Variants in ERI1 observed in about 807,000 individuals in gnomAD.
The protein encoded by ERI1 is 3'-5' exoribonuclease 1.
ERI1 carries 39 observed loss-of-function variants against 39.7 expected under a neutral mutation model. The observed-to-expected ratio is 0.98, with a 90% CI of 0.76 to 1.28. ERI1 has a LOEUF of 1.28. Ranked by LOEUF, ERI1 falls within the 50% of genes most tolerant of loss-of-function variation. The pLI, the probability that ERI1 is intolerant of heterozygous loss-of-function variation, is 0.00. For synonymous variants in ERI1, 204 were observed against 149.6 expected, an observed-to-expected ratio of 1.36 and a Z score of -2.65; for missense variants, 581 against 416.9, an observed-to-expected ratio of 1.39 and a Z score of -3.43.
chr8:9,048,251 G>C (rs929160217), intron 3 of ERI1, among the ~76,000 whole-genome samples: 2 of 151,132 alleles, frequency 1.3e-5, no homozygotes, highest in Admixed American at 1.3e-4. Context: ...TCATCGATCT[G>C]AGAGCAGCTT....
At chr8:9,035,452 C>T (rs562136035), downstream of ERI1, among the ~76,000 whole-genome samples, 1 of 152,318 alleles carries the variant, frequency 6.6e-6, no homozygotes, top group South Asian at 2.1e-4. Flanking sequence ...GCTAAATCTA[C>T]TCTGCCTGTG....
In ERI1 at chr8:9,017,033, A is replaced by G. The variant is rs140399627; in HGVS notation, c.582+628A>G. The stretch of plus-strand genomic sequence containing the variant: ...TTTACAACCTGACTTTATATTTTGC[A>G]TTTATTTTTTATTTTTATTTTTTTG... On this transcript the variant is annotated intron_variant, in intron 4 of 6. Transcript: ENST00000250263. 2.1e-3 allele frequency among the ~76,000 whole-genome samples: 312 copies of G among 151,554 alleles called. 1 individual carries two copies. The highest frequency in any genetic ancestry group is 7.1e-3 in the African/African-American group (292 of 41,300).
At chr8:9,047,275 G>A (rs1019251817) in intron 3 of ERI1, among the ~76,000 whole-genome samples, 7 of 152,188 alleles carry the variant, frequency 4.6e-5, no homozygotes, top group African/African-American at 1.7e-4. Flanking sequence ...TTTCGGGTGA[G>A]TTGGTGAGCT....
At chr8:9,016,883 C>G (rs141249897) in intron 4 of ERI1, among the ~76,000 whole-genome samples, 6 of 151,920 alleles carry the variant, frequency 3.9e-5, no homozygotes, top group African/African-American at 1.5e-4. Context: ...GACCTGGTTT[C>G]GCCATATTGG....
chr8:9,047,019 A>G (rs1227548189), intron 3 of ERI1, among the ~76,000 whole-genome samples: 1 of 152,182 alleles, frequency 6.6e-6, no homozygotes, highest in Non-Finnish European at 1.5e-5. Context: ...CATATGGCAG[A>G]AACAATCAAT....
chr8:9,024,528 C>T (rs190984187), intron 6 of ERI1, among the ~76,000 whole-genome samples: 1 of 152,224 alleles, frequency 6.6e-6, no homozygotes, highest in Non-Finnish European at 1.5e-5. Context: ...TCAATCAATT[C>T]TCCTGCCTCA....
rs1035951339 is a variant in ERI1, at chr8:9,030,190, A to G, written c.*156A>G. 8 of 991,684 alleles carry G rather than the reference A, an allele frequency of 8.1e-6. No individual in the cohort carries two copies. Among genetic ancestry groups the G allele is most frequent in the East Asian group, 2.6e-5 (1 of 37,872 alleles). 61.4% of individuals were successfully genotyped at this position (991,684 alleles called of 1,614,324 possible). A position where few individuals can be genotyped will look rare whatever the true frequency, so the allele number is the denominator to read the frequency against. ...GAGATAGATACATGTATGTGAACAG[A>G]TTTTGTAGGAAGGCATACTGAATTC... On this transcript the variant is annotated 3_prime_UTR_variant, in exon 7 of 7. Coordinates refer to ENST00000250263, the MANE Select transcript of ERI1 (RefSeq NM_153332.4).
chr8:9,059,376 G>C (rs13281029), intron 3 of ERI1, among the ~76,000 whole-genome samples: 21,420 of 151,852 alleles, frequency 0.14, 1,645 homozygotes, highest in African/African-American at 0.18. Context: ...TTGGGGTGGC[G>C]AAAATTTTTG....
intron 3 of ERI1, among the ~76,000 whole-genome samples, chr8:9,048,826 A>G (rs1210035995): frequency 6.6e-6 from 1 of 151,830 alleles, no homozygotes; most frequent in Non-Finnish European, 1.5e-5. Flanking sequence ...TTTTATTTTT[A>G]GTGGAGATGG....
chr8:9,036,300 A>C (rs541281653), downstream of ERI1, among the ~76,000 whole-genome samples: 1 of 152,218 alleles, frequency 6.6e-6, no homozygotes, highest in African/African-American at 2.4e-5. Flanking sequence ...CAGTTGATGG[A>C]GCAAACTTCA....
downstream of ERI1, among the ~76,000 whole-genome samples, chr8:9,035,144 G>A (rs1402464004): frequency 6.6e-6 from 1 of 152,134 alleles, no homozygotes; most frequent in Admixed American, 6.6e-5. Flanking sequence ...GCAAGGTAAA[G>A]CAGCAAGTGC....
intron 3 of ERI1, among the ~76,000 whole-genome samples, chr8:9,057,131 C>CTGTTTTTT (rs562170024): frequency 6.6e-6 from 1 of 151,874 alleles, no homozygotes; most frequent in African/African-American, 2.4e-5. Context: ...CCACACCGGC[C>CTGTTTTTT]TGTTTTTTTG....
chr8:9,007,685 C>T (rs1018262951), intron 1 of ERI1, among the ~76,000 whole-genome samples: 1 of 152,092 alleles, frequency 6.6e-6, no homozygotes, highest in Admixed American at 6.6e-5. Context: ...AGCTGGGGTT[C>T]TCTATTGAGG....
Position 9,018,279 on chromosome 8 carries a change from T to C in ERI1, c.583-18T>C, listed in dbSNP as rs748923840. 3 of 1,507,346 alleles carry C rather than the reference T, an allele frequency of 2.0e-6. No homozygotes were observed. The South Asian group carries it at 3.4e-5, about 17-fold the overall frequency. The allele number at this position is 1,507,346 out of a possible 1,614,324, so 93.4% of individuals were successfully genotyped here. A position where few individuals can be genotyped will look rare whatever the true frequency, so the allele number is the denominator to read the frequency against. On this transcript the variant is annotated intron_variant, in intron 4 of 6. Transcript: ENST00000250263. ...GCTGCAGCCCTGATTTTTGTATATT[T>C]TACTTTTATATCCTCAGGATCAGGT...
At chr8:9,057,382 T>G (rs1333268504) in intron 3 of ERI1, among the ~76,000 whole-genome samples, 1 of 152,136 alleles carries the variant, frequency 6.6e-6, no homozygotes, top group Non-Finnish European at 1.5e-5. Context: ...CTCACACAAC[T>G]TGTAATTGCA....
chr8:9,025,471 A>G (rs771964637), intron 6 of ERI1, among the ~76,000 whole-genome samples: 3 of 152,240 alleles, frequency 2.0e-5, no homozygotes, highest in Non-Finnish European at 4.4e-5. Flanking sequence ...GCTTCTTCCA[A>G]CTGCTCAGCA....
At position 9,057,950 on chromosome 8, in the gene ERI1, G is replaced by C. The variant is rs573914009; in HGVS notation, n.299+37486G>C. Reference sequence around the variant, plus strand: ...ATCGGAGTAATAGGACTTGATGTCAGAGAAGTCCAGGGGGTGGATCTCATA... The same window carrying C: ...ATCGGAGTAATAGGACTTGATGTCACAGAAGTCCAGGGGGTGGATCTCATA... On this transcript the variant is annotated intron_variant and non_coding_transcript_variant, in intron 3 of 3. Transcript: ENST00000518663. Among the ~76,000 whole-genome samples the C allele has an allele frequency of 7.2e-5, 11 of 152,316 alleles. No homozygotes were observed. In the South Asian group the frequency reaches 1.7e-3, roughly 23 times the overall value.
At chr8:9,076,389 G>T (rs187714217) in intron 3 of ERI1, among the ~76,000 whole-genome samples, 5 of 152,262 alleles carry the variant, frequency 3.3e-5, no homozygotes, top group Non-Finnish European at 5.9e-5. Flanking sequence ...CAACATCTAG[G>T]GTTCATCTGT....
intron 3 of ERI1, among the ~76,000 whole-genome samples, chr8:9,071,288 C>T (rs6601282): frequency 0.37 from 56,181 of 152,060 alleles, 11,117 homozygotes; most frequent in Non-Finnish European, 0.45. Flanking sequence ...CTCAAAGCAG[C>T]TTCAGTGTTT....
Sources: gnomAD v4.1 joint callset for allele counts (sites outside exome capture counted in the v4.1 genomes callset) on GRCh38, gnomAD v4.1.1 for gene constraint, MANE v1.5 for transcripts, NCBI Gene and HGNC (gene_info 2026-07-23, HGNC 2026-07-21) for gene names.